MDN1: variants seen among roughly 807,000 people sequenced by gnomAD.
MDN1 encodes midasin.
In MDN1, 266 loss-of-function variants were observed where a neutral mutation model predicts 669.2. The ratio of observed to expected loss-of-function variants is 0.40; its 90% CI spans 0.36 to 0.44. The LOEUF (loss-of-function observed/expected upper bound fraction) is 0.44, where lower values mean the gene tolerates loss of function less well. Ranked by LOEUF, MDN1 falls within the 20% of genes least tolerant of loss-of-function variation. The pLI, the probability that MDN1 is intolerant of heterozygous loss-of-function variation, is 1.00. For synonymous variants in MDN1, 2,385 were observed against 2,457.1 expected (o/e 0.97, Z 0.87); for missense variants, 5,940 against 6,754.0 (o/e 0.88, Z 4.22).
Position 89,803,405 on chromosome 6 carries a change from G to GCCT in MDN1, c.249_251dup (p.Gly84dup). On this transcript the variant is annotated inframe_insertion, in exon 2 of 102. Coordinates refer to ENST00000369393, the MANE Select transcript of MDN1 (RefSeq NM_014611.3). ...GTTCATGCAGATCATGGTTGATTTG[G>GCCT]CCTCCAGCTTTAATGGCTTCGGCAT... is the stretch of plus-strand genomic sequence containing the variant. 6.2e-7 allele frequency: 1 copy of GCCT among 1,614,036 alleles called. No homozygotes were observed. The highest frequency in any genetic ancestry group is 8.5e-7 in the Non-Finnish European group (1 of 1,180,022).
chr6:89,715,587 C>A lies in MDN1; in HGVS notation c.6860+66G>T. The A allele has an allele frequency of 9.5e-6, 9 of 945,492 alleles. No homozygotes were observed. The South Asian group carries it at 1.2e-4, about 12-fold the overall frequency. The allele number at this position is 945,492 out of a possible 1,614,324, so 58.6% of individuals were successfully genotyped here. Reference sequence around the variant, plus strand: ...AAATAAAATATATAAGGAAGTCCTACTGAACGTCTACCTCTGCTACTGAGG... The same window carrying A: ...AAATAAAATATATAAGGAAGTCCTAATGAACGTCTACCTCTGCTACTGAGG... On this transcript the variant is annotated intron_variant, in intron 45 of 101. Coordinates refer to ENST00000369393, the MANE Select transcript of MDN1 (RefSeq NM_014611.3).
At chr6:89,736,283 C>A (rs1488714264) in intron 33 of MDN1, among the ~76,000 whole-genome samples, 1 of 152,184 alleles carries the variant, frequency 6.6e-6, no homozygotes. Flanking sequence ...GGTGTGGGCT[C>A]AGAGGTAAGT....
intron 15 of MDN1, among the ~76,000 whole-genome samples, chr6:89,770,845 T>C (rs1447427582): frequency 6.6e-6 from 1 of 152,192 alleles, no homozygotes. Context: ...TACACAAACA[T>C]TAATTGATTA....
chr6:89,690,970 T>C, intron 63 of MDN1, 136 bp from the exon 64 acceptor site: 2 of 1,069,930 alleles, frequency 1.9e-6, no homozygotes, highest in Non-Finnish European at 2.6e-6. Context: ...TCCAAGAAAC[T>C]AAATTCCATG....
At chr6:89,644,971 C>T in intron 101 of MDN1, 44 bp downstream of exon 101, 1 of 1,555,286 alleles carries the variant, frequency 6.4e-7, no homozygotes, top group East Asian at 2.3e-5. Context: ...TGAAGGGAAT[C>T]CCCACTTTAC....
chr6:89,783,035 CAT>C (rs1028001652), intron 9 of MDN1, among the ~76,000 whole-genome samples: 3 of 152,240 alleles, frequency 2.0e-5, no homozygotes, highest in South Asian at 2.1e-4. Context: ...GATCATAAAA[CAT>C]GTGTGTTTGA....
chr6:89,780,941 G>T (rs906490120), intron 10 of MDN1, among the ~76,000 whole-genome samples: 3 of 151,612 alleles, frequency 2.0e-5, no homozygotes, highest in Non-Finnish European at 4.4e-5. Flanking sequence ...GAGCCACCGC[G>T]CCTAGCCTGA....
intron 58 of MDN1, 129 bp downstream of exon 58, chr6:89,699,472 A>G (rs1812990442): frequency 1.9e-6 from 2 of 1,060,036 alleles, no homozygotes; most frequent in South Asian, 2.1e-5. Context: ...TTAAGAGGCA[A>G]TTCAAAAAAA....
chr6:89,666,063 A>G (rs2128302406), intron 84 of MDN1, among the ~76,000 whole-genome samples: 1 of 152,218 alleles, frequency 6.6e-6, no homozygotes, highest in East Asian at 1.9e-4. Flanking sequence ...AAACAAACAA[A>G]AACAAGTTTC....
Position 89,700,149 on chromosome 6 carries a change from A to C in MDN1, c.8784T>G (p.Val2928=), listed in dbSNP as rs1310690713. Reference sequence around the variant, plus strand: ...GGTACTCCATTGCAGGCCACAACTGAACACTCCTGGTGAGGTGGATTACGG... The same window carrying C: ...GGTACTCCATTGCAGGCCACAACTGCACACTCCTGGTGAGGTGGATTACGG... ...LTSVIHLTRS[V]QLWPAMEYLA... is the part of the protein sequence containing the mutation. The change falls in exon 57 of 102, where the codon GTT becomes GTG. Residue 2928 remains valine (V), a synonymous_variant. Transcript: ENST00000369393. The C allele has an allele frequency of 1.2e-6, 2 of 1,614,094 alleles. No homozygotes were observed.
At chr6:89,775,471 C>A (rs1244313818) in intron 12 of MDN1, among the ~76,000 whole-genome samples, 1 of 152,142 alleles carries the variant, frequency 6.6e-6, no homozygotes, top group Admixed American at 6.6e-5. Flanking sequence ...CTTTTAGAGT[C>A]ATTATTCACA....
chr6:89,769,056 A>G (rs774044054), intron 15 of MDN1, among the ~76,000 whole-genome samples: 11 of 152,074 alleles, frequency 7.2e-5, no homozygotes, highest in African/African-American at 2.4e-5. Flanking sequence ...CCTATCTTAA[A>G]GAAAAAAAAA....
rs1466298408 is a variant in MDN1 at position 89,718,806 on chromosome 6, A to C, written c.6282T>G (p.Ser2094Arg). Reference sequence around the variant, plus strand: ...CCAGCAGCTCAGTAGTATCCATTGCACTGTTCATAGCCATGATCTTTAATG... The same window carrying C: ...CCAGCAGCTCAGTAGTATCCATTGCCCTGTTCATAGCCATGATCTTTAATG... ...GHTLKIMAMN[S>R]AMDTTELLGG... The change falls in exon 42 of 102, where the codon AGT (serine) becomes AGG (arginine). Residue 2094 changes from serine to arginine, a missense_variant. Physicochemically the swap from Ser to Arg is moderately radical, Grantham distance 110. This residue lies in a region of MDN1 where 2,292 missense variants were observed against 2,638.3 expected (regional missense o/e 0.87). Transcript: ENST00000369393. The C allele has an allele frequency of 6.2e-7, 1 of 1,614,208 alleles. No individual in the cohort carries two copies. Among genetic ancestry groups the C allele is most frequent in the East Asian group, 2.2e-5 (1 of 44,880 alleles).
At chr6:89,670,170 A>ATATATATTTTT (rs1444537561) in intron 83 of MDN1, among the ~76,000 whole-genome samples, 39 of 23,392 alleles carry the variant, frequency 1.7e-3, no homozygotes, top group African/African-American at 8.5e-3. Context: ...ATATATATAT[A>ATATATATTTTT]TTTTTTTTTT....
chr6:89,720,301 C>T (rs113851135), intron 40 of MDN1, among the ~76,000 whole-genome samples: 107 of 151,088 alleles, frequency 7.1e-4, no homozygotes, highest in African/African-American at 2.2e-3. Flanking sequence ...TATTGCTACT[C>T]GGGAGGCTGA....
At chr6:89,727,220 T>C (rs1815296142) in intron 37 of MDN1, among the ~76,000 whole-genome samples, 1 of 152,176 alleles carries the variant, frequency 6.6e-6, no homozygotes, top group Non-Finnish European at 1.5e-5. Context: ...GGGGGACCTG[T>C]TGCAGCCTGT....
Position 89,690,826 on chromosome 6 carries a change from G to A in MDN1, c.10596C>T (p.Ile3532=), listed in dbSNP as rs1047636264. ...QLFRHVCQEI[I]SEWDEQERIA... ...TGCGTTCCTGCTCATCCCACTCACT[G>A]ATGATTTCCTGAAAGTCACACAGAC... is the stretch of plus-strand genomic sequence containing the variant. The change falls in exon 64 of 102, where the codon ATC becomes ATT. Residue 3532 remains isoleucine, a synonymous_variant. Transcript: ENST00000369393. 6 of 1,613,678 alleles carry A rather than the reference G, an allele frequency of 3.7e-6. No homozygotes were observed. Among genetic ancestry groups the A allele is most frequent in the Non-Finnish European group, 5.1e-6 (6 of 1,179,904 alleles).
intron 50 of MDN1, among the ~76,000 whole-genome samples, chr6:89,710,394 C>T (rs1813809153): frequency 6.6e-6 from 1 of 151,808 alleles, no homozygotes; most frequent in Non-Finnish European, 1.5e-5. Context: ...TCAGGCCAAG[C>T]ATGGTGGCTC....
intron 67 of MDN1, 106 bp from the exon 68 acceptor site, chr6:89,687,544 T>A (rs542094219): frequency 6.5e-4 from 535 of 823,640 alleles, no homozygotes; most frequent in Middle Eastern, 3.6e-3. Context: ...TACTGGGCCC[T>A]TAAACAACTT....
Sources: allele counts gnomAD v4.1 joint callset (sites outside exome capture counted in the v4.1 genomes callset), GRCh38; gene constraint gnomAD v4.1.1; regional missense constraint gnomAD v4.1.1; transcripts MANE v1.5; gene names NCBI Gene and HGNC (gene_info 2026-07-23, HGNC 2026-07-21).